Variants in IMPG1 observed in about 807,000 individuals in gnomAD.
The protein encoded by IMPG1 is interphotoreceptor matrix proteoglycan of 150 kDa.
A neutral mutation model predicts 92.0 loss-of-function variants in IMPG1; 85 were observed. The ratio of observed to expected loss-of-function variants is 0.92; its 90% CI spans 0.78 to 1.11. IMPG1 has a LOEUF of 1.11. IMPG1 is among the 50% of genes least tolerant of loss of function. IMPG1 has a pLI of 0.00. For synonymous variants in IMPG1, 367 were observed against 334.1 expected, an observed-to-expected ratio of 1.10 and a Z score of -1.08; for missense variants, 1,022 against 956.0, an observed-to-expected ratio of 1.07 and a Z score of -0.91.
chr6:75,950,000 G>A lies in IMPG1; in HGVS notation c.1824+562C>T, dbSNP rs965409906. Among the ~76,000 whole-genome samples the A allele has an allele frequency of 2.6e-5, 4 of 152,152 alleles. No homozygotes were observed. In the East Asian group the frequency reaches 5.8e-4, roughly 22 times the overall value. ...TTGTATATGTAGAAACAAAATAAAC[G>A]TGAGTTTGGGAGTATCTTATTATCA... is the stretch of plus-strand genomic sequence containing the variant. On this transcript the variant is annotated intron_variant, in intron 13 of 16. Transcript: ENST00000369950.
intron 1 of IMPG1, among the ~76,000 whole-genome samples, chr6:76,046,273 A>G (rs1562382512): frequency 2.0e-5 from 3 of 151,890 alleles, no homozygotes; most frequent in Admixed American, 6.6e-5. Flanking sequence ...AAATAATATT[A>G]GAACAGTTTA....
intron 12 of IMPG1, among the ~76,000 whole-genome samples, chr6:75,969,030 C>T (rs1353773330): frequency 6.6e-6 from 1 of 152,002 alleles, no homozygotes; most frequent in African/African-American, 2.4e-5. Context: ...ATGAATGAAC[C>T]TGTTCAGTGA....
At chr6:76,000,830 G>C (rs74996082) in intron 12 of IMPG1, among the ~76,000 whole-genome samples, 7,123 of 152,256 alleles carry the variant, frequency 0.047, 451 homozygotes, top group African/African-American at 0.14. Context: ...CAGAAGCCTA[G>C]ACAATTTAGA....
At chr6:76,031,153 G>A (rs1783647042) in intron 4 of IMPG1, among the ~76,000 whole-genome samples, 1 of 152,192 alleles carries the variant, frequency 6.6e-6, no homozygotes, top group African/African-American at 2.4e-5. Flanking sequence ...GAAAAGTCCT[G>A]CAACAGTGGT....
chr6:76,021,545 A>G (rs1431325660), intron 6 of IMPG1, among the ~76,000 whole-genome samples: 1 of 151,814 alleles, frequency 6.6e-6, no homozygotes, highest in Non-Finnish European at 1.5e-5. Flanking sequence ...CATCCCACAT[A>G]CCTTCACACT....
intron 1 of IMPG1, among the ~76,000 whole-genome samples, chr6:76,048,232 C>G (rs908030536): frequency 7.9e-5 from 12 of 152,190 alleles, no homozygotes; most frequent in African/African-American, 2.9e-4. Flanking sequence ...AGCATTAGAA[C>G]ACACTTTAAA....
intron 14 of IMPG1, among the ~76,000 whole-genome samples, chr6:75,931,371 T>C (rs1199439527): frequency 6.6e-6 from 1 of 152,218 alleles, no homozygotes; most frequent in East Asian, 1.9e-4. Context: ...AATGTAATTA[T>C]TTACAACCTT....
intron 5 of IMPG1, among the ~76,000 whole-genome samples, chr6:76,023,350 C>T (rs1001333606): frequency 1.3e-5 from 2 of 152,136 alleles, no homozygotes; most frequent in Non-Finnish European, 2.9e-5. Context: ...TATGAATAAT[C>T]GGTTTATGCT....
At position 75,986,733 on chromosome 6, in the gene IMPG1, G is replaced by A. The variant is rs373046428; in HGVS notation, c.1291+16185C>T. Among the ~76,000 whole-genome samples, 142 of 151,736 alleles carry A rather than the reference G, an allele frequency of 9.4e-4. 1 individual carries two copies. Among genetic ancestry groups the A allele is most frequent in the African/African-American group, 3.2e-3 (133 of 41,394 alleles). Reference sequence around the variant, plus strand: ...GCCTGCATAGGAGAAAGCAGAATATGTTAACAATGAGGAAAAAAAAAATGA... The same window carrying A: ...GCCTGCATAGGAGAAAGCAGAATATATTAACAATGAGGAAAAAAAAAATGA... On this transcript the variant is annotated intron_variant, in intron 12 of 16. Coordinates refer to ENST00000369950, the MANE Select transcript of IMPG1 (RefSeq NM_001563.4).
At chr6:75,969,499 T>C (rs1782366149) in intron 12 of IMPG1, among the ~76,000 whole-genome samples, 1 of 152,152 alleles carries the variant, frequency 6.6e-6, no homozygotes, top group Admixed American at 6.6e-5. Flanking sequence ...CCTAGCACTT[T>C]GAGAGGCTGA....
At chr6:76,017,533 A>G (rs571493330) in intron 7 of IMPG1, among the ~76,000 whole-genome samples, 103 of 152,330 alleles carry the variant, frequency 6.8e-4, no homozygotes, top group Middle Eastern at 3.4e-3. Context: ...TGGTGCCTAC[A>G]TAGTCATTTT....
At chr6:76,058,671 G>A (rs996743549) in intron 1 of IMPG1, among the ~76,000 whole-genome samples, 3 of 152,170 alleles carry the variant, frequency 2.0e-5, no homozygotes, top group Non-Finnish European at 4.4e-5. Context: ...CATGCTGCAG[G>A]CTCAACGGTA....
intron 10 of IMPG1, among the ~76,000 whole-genome samples, chr6:76,004,677 A>T (rs1377225897): frequency 4.0e-5 from 6 of 150,572 alleles, no homozygotes; most frequent in Non-Finnish European, 8.9e-5. Flanking sequence ...CTCTAGATCC[A>T]CTCTCCCCTC....
intron 1 of IMPG1, among the ~76,000 whole-genome samples, chr6:76,068,510 CTTT>C (rs1160277573): frequency 4.5e-5 from 5 of 110,190 alleles, no homozygotes; most frequent in African/African-American, 7.1e-5. Context: ...AATGTCCATA[CTTT>C]TTTTTTTTTT....
chr6:75,950,308 GAA>G (rs1782001292), intron 13 of IMPG1, among the ~76,000 whole-genome samples: 1 of 152,154 alleles, frequency 6.6e-6, no homozygotes, highest in Non-Finnish European at 1.5e-5. Flanking sequence ...GAATTATAAT[GAA>G]AAGAGTTTAA....
At chr6:76,036,278 C>T (rs567660555) in intron 2 of IMPG1, among the ~76,000 whole-genome samples, 1 of 152,284 alleles carries the variant, frequency 6.6e-6, no homozygotes, top group Admixed American at 6.5e-5. Flanking sequence ...AGGAGCAAAA[C>T]CAAAGCAATC....
chr6:75,946,448 T>A (rs775471698), intron 14 of IMPG1, among the ~76,000 whole-genome samples: 7 of 152,186 alleles, frequency 4.6e-5, no homozygotes, highest in Non-Finnish European at 7.4e-5. Context: ...TTAGGAAGCT[T>A]TGTTTTGAAT....
intron 1 of IMPG1, among the ~76,000 whole-genome samples, chr6:76,049,649 A>G (rs2127595867): frequency 6.6e-6 from 1 of 152,310 alleles, no homozygotes; most frequent in Middle Eastern, 3.4e-3. Flanking sequence ...GAATTTGGAT[A>G]TTGACATTTG....
intron 12 of IMPG1, among the ~76,000 whole-genome samples, chr6:75,960,012 TCTC>T (rs1392671069): frequency 4.6e-5 from 7 of 152,072 alleles, no homozygotes; most frequent in Non-Finnish European, 2.9e-5. Flanking sequence ...CCTGAGGAAA[TCTC>T]CTGGTCTGTG....
Sources: allele counts gnomAD v4.1 joint callset (sites outside exome capture counted in the v4.1 genomes callset), GRCh38; gene constraint gnomAD v4.1.1; transcripts MANE v1.5; gene names NCBI Gene and HGNC (gene_info 2026-07-23, HGNC 2026-07-21).